Variants in PRKCA observed in about 807,000 individuals in gnomAD.
PRKCA encodes protein kinase C alpha.
Under a neutral mutation model 87.0 loss-of-function variants are expected in PRKCA, and 27 were observed. The observed-to-expected ratio is 0.31, with a 90% CI of 0.23 to 0.43. The LOEUF is 0.43. Ranked by LOEUF, PRKCA falls within the 20% of genes least tolerant of loss-of-function variation. PRKCA has a pLI of 1.00. For missense variants in PRKCA, 518 were observed against 852.3 expected, an observed-to-expected ratio of 0.61 and a Z score of 4.88; for synonymous variants, 329 against 311.1, an observed-to-expected ratio of 1.06 and a Z score of -0.61.
chr17:66,622,795 G>A lies in PRKCA; in HGVS notation c.289-18560G>A, dbSNP rs149547181. ...CACGAGAGATGAGAAAGAATCAAAA[G>A]TGGAAACCCCTTATAAAACCATCAG... On this transcript the variant is annotated intron_variant, in intron 3 of 16. Coordinates refer to ENST00000413366, the MANE Select transcript of PRKCA (RefSeq NM_002737.3). Among the ~76,000 whole-genome samples, 60 of 152,314 alleles carry A rather than the reference G, an allele frequency of 3.9e-4. No homozygotes were observed. The East Asian group carries it at 0.01, about 26-fold the overall frequency.
intron 13 of PRKCA, among the ~76,000 whole-genome samples, chr17:66,770,907 G>A (rs1974919245): frequency 6.6e-6 from 1 of 152,152 alleles, no homozygotes; most frequent in South Asian, 2.1e-4. Flanking sequence ...AAGATAACTG[G>A]GATAATCTTA....
At chr17:66,666,461 G>A (rs983817065) in intron 5 of PRKCA, among the ~76,000 whole-genome samples, 1 of 152,070 alleles carries the variant, frequency 6.6e-6, no homozygotes, top group Non-Finnish European at 1.5e-5. Flanking sequence ...TATTCATACT[G>A]GACACAAGCT....
intron 3 of PRKCA, among the ~76,000 whole-genome samples, chr17:66,565,635 C>A (rs1019408538): frequency 6.6e-6 from 1 of 152,242 alleles, no homozygotes; most frequent in East Asian, 1.9e-4. Flanking sequence ...TTCTCAGTCG[C>A]GGTGTTTCTT....
rs112875225 is a variant in PRKCA at position 66,649,794 on chromosome 17, C to T, written c.529+4283C>T. On this transcript the variant is annotated intron_variant, in intron 5 of 16. Coordinates refer to ENST00000413366, the MANE Select transcript of PRKCA (RefSeq NM_002737.3). The stretch of plus-strand genomic sequence containing the variant: ...ACACAAGAAGAGAACAAAGAACAAC[C>T]CATATCCAAGTAAAATTAAATACCA... Among the ~76,000 whole-genome samples, 5 of 152,242 alleles carry T rather than the reference C, an allele frequency of 3.3e-5. 1 individual carries two copies. The highest frequency in any genetic ancestry group is 1.2e-4 in the African/African-American group (5 of 41,524).
intron 2 of PRKCA, among the ~76,000 whole-genome samples, chr17:66,320,756 A>G (rs968962016): frequency 2.6e-5 from 4 of 152,200 alleles, no homozygotes; most frequent in African/African-American, 4.8e-5. Flanking sequence ...AAAATCTTAC[A>G]TTGTTTTCAT....
chr17:66,703,982 G>C (rs1179750526), intron 8 of PRKCA: 1 of 152,084 alleles, frequency 6.6e-6, no homozygotes, highest in Non-Finnish European at 1.5e-5. Context: ...AACATGTAAT[G>C]TGTTGTGCAG....
chr17:66,539,161 G>A (rs1474149665), intron 3 of PRKCA, among the ~76,000 whole-genome samples: 2 of 152,104 alleles, frequency 1.3e-5, no homozygotes, highest in African/African-American at 4.8e-5. Flanking sequence ...TCTGTGTGGT[G>A]TCCTCAGATT....
chr17:66,757,107 C>G (rs1018421201), intron 13 of PRKCA, among the ~76,000 whole-genome samples: 1 of 151,616 alleles, frequency 6.6e-6, no homozygotes, highest in Non-Finnish European at 1.5e-5. Context: ...AATACTGGAG[C>G]AGAAATGAAG....
intron 8 of PRKCA, among the ~76,000 whole-genome samples, chr17:66,730,431 C>T (rs1484652575): frequency 6.6e-6 from 1 of 152,160 alleles, no homozygotes; most frequent in Non-Finnish European, 1.5e-5. Context: ...TGCTGATTGG[C>T]TATTTTGGTG....
intron 13 of PRKCA, among the ~76,000 whole-genome samples, chr17:66,763,446 G>A (rs780121515): frequency 7.2e-4 from 109 of 152,320 alleles, no homozygotes; most frequent in Middle Eastern, 3.4e-3. Flanking sequence ...GTTCAGGCCT[G>A]TCTTCTTTCT....
At chr17:66,348,352 G>A (rs1907536319) in intron 2 of PRKCA, among the ~76,000 whole-genome samples, 1 of 152,194 alleles carries the variant, frequency 6.6e-6, no homozygotes, top group African/African-American at 2.4e-5. Flanking sequence ...ATTCCTGCTA[G>A]TACCGCCTGG....
intron 3 of PRKCA, among the ~76,000 whole-genome samples, chr17:66,639,842 A>T (rs997328286): frequency 6.6e-6 from 1 of 151,836 alleles, no homozygotes; most frequent in Non-Finnish European, 1.5e-5. Context: ...ACTAAAAATT[A>T]AAAAAAATTA....
At chr17:66,788,720 G>C in intron 15 of PRKCA, 119 bp from the exon 16 acceptor site, 1 of 1,213,454 alleles carries the variant, frequency 8.2e-7, no homozygotes, top group Non-Finnish European at 1.1e-6. Context: ...TCAGCTCTCT[G>C]AGATGCTGTC....
chr17:66,786,371 A>C (rs768577022), intron 14 of PRKCA, among the ~76,000 whole-genome samples: 12 of 152,164 alleles, frequency 7.9e-5, no homozygotes, highest in African/African-American at 1.7e-4. Context: ...CCCTCAGAGC[A>C]GCTGCTTGTT....
intron 13 of PRKCA, among the ~76,000 whole-genome samples, chr17:66,762,573 C>G (rs1285466211): frequency 2.0e-5 from 3 of 152,164 alleles, no homozygotes; most frequent in Non-Finnish European, 4.4e-5. Context: ...TAGGAAGTAT[C>G]TCGATTGAGA....
intron 8 of PRKCA, among the ~76,000 whole-genome samples, chr17:66,706,637 C>CAA (rs200189418): frequency 0.046 from 4,811 of 104,242 alleles, 284 homozygotes; most frequent in African/African-American, 0.15. Flanking sequence ...GGCTCTGTCT[C>CAA]AAAAAAAAAA....
chr17:66,319,500 A>G (rs959419312), intron 2 of PRKCA, among the ~76,000 whole-genome samples: 2 of 151,988 alleles, frequency 1.3e-5, no homozygotes, highest in African/African-American at 2.4e-5. Flanking sequence ...TTGTCAGGTT[A>G]TATTTTATAT....
rs540902552 is a variant in PRKCA at position 66,622,172 on chromosome 17, G to A, written c.289-19183G>A. ...CCACTGCACTTCAGCCTGGGTGCCA[G>A]AGAGAGACCTTGTCTGTCAAAGAAA... On this transcript the variant is annotated intron_variant, in intron 3 of 16. Transcript: ENST00000413366. 6.4e-4 allele frequency among the ~76,000 whole-genome samples: 97 copies of A among 152,322 alleles called. 1 individual carries two copies. In the South Asian group the frequency reaches 0.019, roughly 29 times the overall value.
At chr17:66,319,514 A>G (rs1905522839) in intron 2 of PRKCA, among the ~76,000 whole-genome samples, 1 of 152,072 alleles carries the variant, frequency 6.6e-6, no homozygotes, top group East Asian at 1.9e-4. Context: ...TTTATATTCT[A>G]GGTATTTTAT....
Sources: gnomAD v4.1 joint callset for allele counts (sites outside exome capture counted in the v4.1 genomes callset) on GRCh38, gnomAD v4.1.1 for gene constraint, MANE v1.5 for transcripts, NCBI Gene and HGNC (gene_info 2026-07-23, HGNC 2026-07-21) for gene names.